The following ACSF2 variants were observed in gnomAD, a reference collection of about 807,000 sequenced individuals.
ACSF2 encodes acyl-CoA synthetase family member 2, also known as medium-chain acyl-CoA ligase ACSF2, mitochondrial.
Under a neutral mutation model 79.3 loss-of-function variants are expected in ACSF2, and 52 were observed. The ratio of observed to expected loss-of-function variants is 0.66; its 90% CI spans 0.53 to 0.83. The LOEUF is 0.83. ACSF2 is among the 40% of genes least tolerant of loss of function. The probability of loss-of-function intolerance (pLI) is 0.00; values close to 1 mark genes in which losing one functional copy is unlikely to be tolerated. For synonymous variants in ACSF2, 283 were observed against 312.6 expected, an observed-to-expected ratio of 0.91 and a Z score of 1.00; for missense variants, 661 against 803.3, an observed-to-expected ratio of 0.82 and a Z score of 2.14.
chr17:50,434,053 AC>A (rs1368085204), intron 1 of ACSF2, among the ~76,000 whole-genome samples: 4 of 151,250 alleles, frequency 2.6e-5, no homozygotes, highest in African/African-American at 9.7e-5. Context: ...AGTGGCTCAC[AC>A]CTATAACTCA....
In ACSF2 at chr17:50,472,335, G is replaced by A. The variant is rs889407303; in HGVS notation, c.1324-93G>A. ...TCATTCCAGGCAGTTGGGTTGGGGG[G>A]TTGGGGGCAGGCAAAGCTCTCTCCA... On this transcript the variant is annotated intron_variant, in intron 11 of 15. Coordinates refer to ENST00000300441, the MANE Select transcript of ACSF2 (RefSeq NM_025149.6). 4.7e-6 allele frequency: 7 copies of A among 1,474,908 alleles called. No individual in the cohort carries two copies. In the Admixed American group the frequency reaches 9.5e-5, roughly 20 times the overall value. 91.4% of individuals were successfully genotyped at this position (1,474,908 alleles called of 1,614,324 possible).
chr17:50,466,153 C>A (rs891555829), intron 10 of ACSF2, among the ~76,000 whole-genome samples: 3 of 142,574 alleles, frequency 2.1e-5, no homozygotes, highest in African/African-American at 8.0e-5. Context: ...GTGGCACGAT[C>A]TCAGCTCACT....
chr17:50,462,635 GT>G (rs1378039333), intron 6 of ACSF2, 50 bp downstream of exon 6: 2 of 1,591,714 alleles, frequency 1.3e-6, no homozygotes, highest in African/African-American at 2.7e-5. Flanking sequence ...CATGCCCCCT[GT>G]CCCTGTGACA....
intron 10 of ACSF2, chr17:50,464,889 G>A (rs2032596481): frequency 8.6e-6 from 3 of 347,848 alleles, no homozygotes; most frequent in South Asian, 4.6e-5. Context: ...AGCTGGGTTG[G>A]TAGTGGAGTG....
intron 1 of ACSF2, among the ~76,000 whole-genome samples, chr17:50,445,767 C>T (rs754582384): frequency 6.6e-6 from 1 of 151,164 alleles, no homozygotes; most frequent in African/African-American, 2.4e-5. Flanking sequence ...TGCCACTGCA[C>T]TCCAGCCTAG....
chr17:50,443,111 T>C (rs933857729), intron 1 of ACSF2, among the ~76,000 whole-genome samples: 3 of 152,108 alleles, frequency 2.0e-5, no homozygotes, highest in Non-Finnish European at 4.4e-5. Context: ...GGTTTTACCA[T>C]GTTGGCCAGG....
In ACSF2 at chr17:50,463,593, C is replaced by G; in HGVS notation, c.1046+41C>G. ...CAGGCTACTTGTGGGCTGATAAAAC[C>G]CTCTTCTTCCTCACTCCTGGGCCCT... On this transcript the variant is annotated intron_variant, in intron 8 of 15. Coordinates refer to ENST00000300441, the MANE Select transcript of ACSF2 (RefSeq NM_025149.6). The surrounding 1 kb of genome is among the most constrained non-coding windows in gnomAD (Gnocchi z 4.6). 1 of 1,602,644 alleles carries G rather than the reference C, an allele frequency of 6.2e-7. No individual in the cohort carries two copies. The highest frequency in any genetic ancestry group is 8.5e-7 in the Non-Finnish European group (1 of 1,173,478).
Position 50,468,235 on chromosome 17 carries a change from G to C in ACSF2, c.1216-2793G>C, listed in dbSNP as rs34864120. 1 of 1,611,806 alleles carries C rather than the reference G, an allele frequency of 6.2e-7. No individual in the cohort carries two copies. The highest frequency in any genetic ancestry group is 1.3e-5 in the African/African-American group (1 of 74,890). On this transcript the variant is annotated intron_variant, in intron 10 of 15. Transcript: ENST00000300441. ...CGTGGAATTTGGCGAGGTTCTCCAC[G>C]TCGTCCAGGGCCCCGGGCTGCAGGG...
chr17:50,452,499 A>G (rs1028316228), intron 1 of ACSF2, among the ~76,000 whole-genome samples: 1 of 151,646 alleles, frequency 6.6e-6, no homozygotes, highest in Admixed American at 6.6e-5. Flanking sequence ...AAAAAATAGA[A>G]AAAGAAGTGT....
At chr17:50,472,849 G>T (rs753843283) in intron 12 of ACSF2, 17 of 356,892 alleles carry the variant, frequency 4.8e-5, no homozygotes, top group Admixed American at 1.5e-4. Context: ...ATTCTTACTA[G>T]AATTCCTTAT....
rs370871048 is a variant in ACSF2 at position 50,462,551 on chromosome 17, C to T, written c.758C>T (p.Ser253Phe). ...CTCCAATACAACCAGCAGTTCCTGT[C>T]CTGCCATGACCCCATCAACATCCAG... The part of the protein sequence containing the change: ...DQLQYNQQFL[S>F]CHDPINIQFT... Residue 253 changes from serine to phenylalanine, a missense_variant, in exon 6 of 16, where the codon TCC becomes TTC. Transcript: ENST00000300441. 1 of 1,613,946 alleles carries T rather than the reference C, an allele frequency of 6.2e-7. No individual in the cohort carries two copies. Among genetic ancestry groups the T allele is most frequent in the East Asian group, 2.2e-5 (1 of 44,866 alleles).
intron 10 of ACSF2, chr17:50,465,927 G>A: frequency 6.3e-7 from 1 of 1,593,994 alleles, no homozygotes; most frequent in Non-Finnish European, 8.6e-7. Context: ...GAATGAGTAA[G>A]CACCCGAGTG....
intron 10 of ACSF2, 31 bp from the exon 11 acceptor site, chr17:50,470,997 C>A (rs760601869): frequency 3.2e-6 from 5 of 1,538,488 alleles, no homozygotes; most frequent in Non-Finnish European, 4.5e-6. Context: ...CGTGCTGAGC[C>A]CTCTTCAAAC....
chr17:50,438,724 A>T (rs2030634984), intron 1 of ACSF2, among the ~76,000 whole-genome samples: 1 of 151,818 alleles, frequency 6.6e-6, no homozygotes, highest in Non-Finnish European at 1.5e-5. Context: ...CTGCCACCAC[A>T]CCTGGCTAAT....
chr17:50,460,126 G>T, intron 1 of ACSF2: 1 of 453,420 alleles, frequency 2.2e-6, no homozygotes, highest in East Asian at 7.0e-5. Context: ...AATAACAGGG[G>T]CCGCCCAGCT....
chr17:50,431,700 G>T (rs1223385032), intron 1 of ACSF2, among the ~76,000 whole-genome samples: 1 of 152,012 alleles, frequency 6.6e-6, no homozygotes, highest in Non-Finnish European at 1.5e-5. Context: ...ATGAAGTATT[G>T]CCCAGGTTGG....
chr17:50,474,584 C>T lies in ACSF2; in HGVS notation c.*32C>T. ...CAGCAGGCCTGTCCTGGCCGGTTGG[C>T]TTGACTCTCTCCTGTCAGAATGCAA... is the stretch of plus-strand genomic sequence containing the variant. On this transcript the variant is annotated 3_prime_UTR_variant, in exon 16 of 16. Coordinates refer to ENST00000300441, the MANE Select transcript of ACSF2 (RefSeq NM_025149.6). This position sits in a 1 kb window ranked among gnomAD's most constrained non-coding sequence, Gnocchi z 4.2. 6.2e-7 allele frequency: 1 copy of T among 1,610,018 alleles called. No individual in the cohort carries two copies. Among genetic ancestry groups the T allele is most frequent in the Non-Finnish European group, 8.5e-7 (1 of 1,176,552 alleles).
intron 1 of ACSF2, among the ~76,000 whole-genome samples, chr17:50,458,686 T>C (rs2125902): frequency 0.24 from 36,837 of 152,142 alleles, 4,710 homozygotes; most frequent in Middle Eastern, 0.38. Flanking sequence ...TTTTTTACCA[T>C]TGGGCCCTCT....
intron 1 of ACSF2, among the ~76,000 whole-genome samples, chr17:50,430,970 A>G (rs1383960948): frequency 6.6e-6 from 1 of 152,232 alleles, no homozygotes; most frequent in African/African-American, 2.4e-5. Flanking sequence ...TTACACACAC[A>G]TGGAAAACTA....
Sources: allele counts gnomAD v4.1 joint callset (sites outside exome capture counted in the v4.1 genomes callset), GRCh38; gene constraint gnomAD v4.1.1; non-coding constraint Gnocchi (gnomAD v3.1); transcripts MANE v1.5; gene names NCBI Gene and HGNC (gene_info 2026-07-23, HGNC 2026-07-21).